Variants in ENOX1 observed in about 807,000 individuals in gnomAD.
ENOX1 encodes the protein ecto-NOX disulfide-thiol exchanger 1, also known as candidate growth-related and time keeping constitutive hydroquinone (NADH) oxidase.
ENOX1 carries 42 observed loss-of-function variants against 82.5 expected under a neutral mutation model. The ratio of observed to expected loss-of-function variants is 0.51; its 90% CI spans 0.40 to 0.66. The LOEUF is 0.66. Ranked by LOEUF, ENOX1 falls within the 30% of genes least tolerant of loss-of-function variation. The pLI, the probability that ENOX1 is intolerant of heterozygous loss-of-function variation, is 0.00. For synonymous variants in ENOX1, 271 were observed against 282.2 expected, an observed-to-expected ratio of 0.96 and a Z score of 0.40; for missense variants, 608 against 811.6, an observed-to-expected ratio of 0.75 and a Z score of 3.05.
At chr13:43,776,640 G>A (rs1951935594) in intron 1 of ENOX1, among the ~76,000 whole-genome samples, 1 of 152,156 alleles carries the variant, frequency 6.6e-6, no homozygotes, top group Non-Finnish European at 1.5e-5. Flanking sequence ...CAGATAGTGA[G>A]GTAATCTAGA....
chr13:43,666,436 G>T (rs2084981774), intron 2 of ENOX1, among the ~76,000 whole-genome samples: 1 of 152,140 alleles, frequency 6.6e-6, no homozygotes, highest in Admixed American at 6.5e-5. Context: ...AATATGACTG[G>T]TGTCCTTACA....
At chr13:43,557,772 T>G (rs1408551480) in intron 2 of ENOX1, among the ~76,000 whole-genome samples, 1 of 152,190 alleles carries the variant, frequency 6.6e-6, no homozygotes, top group African/African-American at 2.4e-5. Context: ...CCCTTCAGAC[T>G]GGGTGACACA....
chr13:43,683,111 G>A (rs1209917290), intron 1 of ENOX1, among the ~76,000 whole-genome samples: 1 of 152,112 alleles, frequency 6.6e-6, no homozygotes. Context: ...TCAGGCCAAG[G>A]TCAATGGCAG....
intron 2 of ENOX1, among the ~76,000 whole-genome samples, chr13:43,598,129 G>C (rs961398017): frequency 1.5e-4 from 23 of 151,682 alleles, no homozygotes; most frequent in African/African-American, 5.6e-4. Context: ...TCTCTTCCCA[G>C]CTCCCATCCA....
intron 12 of ENOX1, among the ~76,000 whole-genome samples, chr13:43,294,438 A>G (rs1035026502): frequency 6.6e-5 from 10 of 152,238 alleles, no homozygotes; most frequent in Non-Finnish European, 1.5e-4. Flanking sequence ...AGATATCACT[A>G]TAAATTTACT....
At chr13:43,214,250 G>A (rs2041342842) in intron 16 of ENOX1, 129 bp from the exon 17 acceptor site, 1 of 900,106 alleles carries the variant, frequency 1.1e-6, no homozygotes, top group Admixed American at 2.4e-5. Flanking sequence ...TCAGGGGGAT[G>A]TCCTTATAGA....
chr13:43,560,223 A>C (rs1183499546), intron 2 of ENOX1, among the ~76,000 whole-genome samples: 1 of 152,192 alleles, frequency 6.6e-6, no homozygotes, highest in African/African-American at 2.4e-5. Context: ...GTACTATTGA[A>C]CAGGTATGCT....
At chr13:43,314,626 CAG>C (rs1390046576) in intron 11 of ENOX1, among the ~76,000 whole-genome samples, 1 of 152,178 alleles carries the variant, frequency 6.6e-6, no homozygotes, top group African/African-American at 2.4e-5. Flanking sequence ...AGGCTGGTAA[CAG>C]TGTATGTTTT....
intron 2 of ENOX1, among the ~76,000 whole-genome samples, chr13:43,560,834 T>G (rs7983055): frequency 0.95 from 145,147 of 152,234 alleles, 69,561 homozygotes; most frequent in East Asian, 1. Flanking sequence ...TCACCAGGAT[T>G]AATTAGTGAA....
chr13:43,322,768 T>C (rs1593927558), intron 10 of ENOX1, among the ~76,000 whole-genome samples: 2 of 152,292 alleles, frequency 1.3e-5, no homozygotes, highest in East Asian at 1.9e-4. Context: ...TCCTCATTTG[T>C]ACAAAGCGGA....
intron 12 of ENOX1, among the ~76,000 whole-genome samples, chr13:43,291,887 C>T (rs900538311): frequency 1.3e-5 from 2 of 152,146 alleles, no homozygotes; most frequent in Admixed American, 6.6e-5. Flanking sequence ...TTCAAGGGAT[C>T]CCCACATCTC....
rs546812905 is a variant in ENOX1, at chr13:43,637,866, A to G, written c.-219+29613T>C. On this transcript the variant is annotated intron_variant, in intron 2 of 16. Transcript: ENST00000690772. ...GCCAGGATTTCACAAAGTTGAGAAT[A>G]TGGGTTTAATTTGAAATCCATCATT... Among the ~76,000 whole-genome samples the G allele has an allele frequency of 5.1e-4, 77 of 152,328 alleles. 1 individual carries two copies. Among genetic ancestry groups the G allele is most frequent in the African/African-American group, 1.7e-3 (69 of 41,566 alleles).
At chr13:43,378,069 G>A (rs2153572821) in intron 5 of ENOX1, among the ~76,000 whole-genome samples, 1 of 152,358 alleles carries the variant, frequency 6.6e-6, no homozygotes, top group South Asian at 2.1e-4. Context: ...GAGAGTAACA[G>A]TGACTGGATA....
intron 2 of ENOX1, among the ~76,000 whole-genome samples, chr13:43,500,842 G>A (rs1283654753): frequency 1.3e-5 from 2 of 151,972 alleles, no homozygotes; most frequent in South Asian, 4.2e-4. Context: ...TAGTTTTTGT[G>A]TGTTATTGAA....
intron 2 of ENOX1, among the ~76,000 whole-genome samples, chr13:43,512,369 T>A (rs755400682): frequency 6.6e-6 from 1 of 152,070 alleles, no homozygotes; most frequent in Non-Finnish European, 1.5e-5. Flanking sequence ...ACTCAAGTGA[T>A]GGGTGAACAA....
At chr13:43,291,714 C>T (rs1228509246) in intron 12 of ENOX1, among the ~76,000 whole-genome samples, 1 of 152,172 alleles carries the variant, frequency 6.6e-6, no homozygotes, top group Non-Finnish European at 1.5e-5. Context: ...AAGGTAAAGG[C>T]CCCCGAAACA....
chr13:43,654,000 A>T (rs1181067226), intron 2 of ENOX1, among the ~76,000 whole-genome samples: 1 of 152,212 alleles, frequency 6.6e-6, no homozygotes, highest in Non-Finnish European at 1.5e-5. Context: ...TAGTAAAAAT[A>T]TGAGATTTGT....
intron 12 of ENOX1, among the ~76,000 whole-genome samples, chr13:43,285,455 G>GA (rs2045637885): frequency 6.6e-6 from 1 of 151,956 alleles, no homozygotes; most frequent in Non-Finnish European, 1.5e-5. Flanking sequence ...TTTGTAAAAT[G>GA]AAAAAATAAA....
chr13:43,257,996 T>G (rs2043846945), intron 14 of ENOX1, among the ~76,000 whole-genome samples: 1 of 152,216 alleles, frequency 6.6e-6, no homozygotes, highest in East Asian at 1.9e-4. Context: ...TTAAACTTGC[T>G]AATCCTGTTA....
Sources: allele counts gnomAD v4.1 joint callset (sites outside exome capture counted in the v4.1 genomes callset), GRCh38; gene constraint gnomAD v4.1.1; transcripts MANE v1.5; gene names NCBI Gene and HGNC (gene_info 2026-07-23, HGNC 2026-07-21).